HDAC9: variants seen among roughly 807,000 people sequenced by gnomAD.
The protein encoded by HDAC9 is MEF-2 interacting transcription repressor (MITR) protein.
In HDAC9, 41 loss-of-function variants were observed where a neutral mutation model predicts 139.4. That is an observed-to-expected ratio of 0.29 (90% CI 0.23 to 0.38). The LOEUF (loss-of-function observed/expected upper bound fraction) is 0.38, where lower values mean the gene tolerates loss of function less well. HDAC9 is among the 10% of genes least tolerant of loss of function. The probability of loss-of-function intolerance (pLI) is 1.00; values close to 1 mark genes in which losing one functional copy is unlikely to be tolerated. For synonymous variants in HDAC9, 517 were observed against 476.2 expected, an observed-to-expected ratio of 1.09 and a Z score of -1.12; for missense variants, 1,147 against 1,297.0, an observed-to-expected ratio of 0.88 and a Z score of 1.78.
chr7:18,641,644 A>G (rs988970591), intron 8 of HDAC9, among the ~76,000 whole-genome samples: 1 of 152,118 alleles, frequency 6.6e-6, no homozygotes, highest in African/African-American at 2.4e-5. Context: ...TAAACTGCAA[A>G]GTATTGGCAT....
At chr7:18,403,183 G>A (rs1414177665) in intron 1 of HDAC9, among the ~76,000 whole-genome samples, 1 of 152,124 alleles carries the variant, frequency 6.6e-6, no homozygotes. Flanking sequence ...TCCCAGTTAA[G>A]TGTATAAATA....
At chr7:18,285,232 A>G (rs886083774) in intron 2 of HDAC9, among the ~76,000 whole-genome samples, 1 of 151,996 alleles carries the variant, frequency 6.6e-6, no homozygotes, top group Non-Finnish European at 1.5e-5. Context: ...GTCATAATGT[A>G]TATTTTTCTA....
intron 2 of HDAC9, chr7:18,502,444 T>C (rs1253064339): frequency 6.6e-6 from 1 of 152,190 alleles, no homozygotes; most frequent in Admixed American, 6.5e-5. Context: ...GAGGAATAGA[T>C]GTTAGCTAGG....
chr7:18,257,080 C>A (rs983509688), intron 2 of HDAC9, among the ~76,000 whole-genome samples: 2 of 151,228 alleles, frequency 1.3e-5, no homozygotes, highest in African/African-American at 4.9e-5. Flanking sequence ...CAGAGTGAGA[C>A]CCTGTCTCAA....
chr7:18,712,756 T>C (rs528843744), intron 12 of HDAC9, among the ~76,000 whole-genome samples: 1 of 152,348 alleles, frequency 6.6e-6, no homozygotes, highest in African/African-American at 2.4e-5. Context: ...CCTACAAGTA[T>C]AATTTTGAAT....
chr7:18,636,145 T>A (rs1034829070), intron 8 of HDAC9, among the ~76,000 whole-genome samples: 2 of 152,058 alleles, frequency 1.3e-5, no homozygotes, highest in Non-Finnish European at 1.5e-5. Flanking sequence ...CCTCAGAAAC[T>A]CAAGAGATAG....
intron 15 of HDAC9, among the ~76,000 whole-genome samples, chr7:18,764,391 C>T (rs983046612): frequency 2.0e-5 from 3 of 152,058 alleles, no homozygotes; most frequent in African/African-American, 4.8e-5. Flanking sequence ...GTGTGGGCTA[C>T]GTAAGTACAC....
intron 1 of HDAC9, among the ~76,000 whole-genome samples, chr7:18,426,062 C>G (rs887428887): frequency 6.6e-6 from 1 of 152,054 alleles, no homozygotes; most frequent in African/African-American, 2.4e-5. Flanking sequence ...CACACAATTG[C>G]GGAAATGCAG....
At chr7:18,967,682 T>C (rs1480957239) in intron 24 of HDAC9, among the ~76,000 whole-genome samples, 1 of 152,200 alleles carries the variant, frequency 6.6e-6, no homozygotes. Context: ...ACAATTTTTA[T>C]AAATAGCTTA....
chr7:18,576,539 G>A (rs1201076115), intron 2 of HDAC9, among the ~76,000 whole-genome samples: 2 of 151,810 alleles, frequency 1.3e-5, no homozygotes, highest in African/African-American at 2.4e-5. Context: ...GTGCACACCT[G>A]TAGTCCCAGC....
At chr7:18,462,381 T>C (rs1793926064) in intron 1 of HDAC9, among the ~76,000 whole-genome samples, 1 of 152,094 alleles carries the variant, frequency 6.6e-6, no homozygotes, top group Admixed American at 6.6e-5. Context: ...CTGTTAAAAG[T>C]CAGGAACCTT....
intron 2 of HDAC9, among the ~76,000 whole-genome samples, chr7:18,214,070 C>T (rs944834658): frequency 1.3e-5 from 2 of 151,996 alleles, no homozygotes; most frequent in African/African-American, 4.8e-5. Flanking sequence ...CTATGCTAAT[C>T]ACTTTATACA....
At chr7:18,745,669 C>T (rs1008473146) in intron 13 of HDAC9, among the ~76,000 whole-genome samples, 3 of 150,786 alleles carry the variant, frequency 2.0e-5, no homozygotes, top group Non-Finnish European at 4.4e-5. Context: ...GCCTCAGCCT[C>T]CCGAGTAGCT....
chr7:18,291,853 G>A (rs1797830139), intron 1 of HDAC9, among the ~76,000 whole-genome samples: 1 of 152,080 alleles, frequency 6.6e-6, no homozygotes, highest in Admixed American at 6.6e-5. Flanking sequence ...GCAAGGAGTA[G>A]ATCTAATGGA....
intron 2 of HDAC9, among the ~76,000 whole-genome samples, chr7:18,163,184 A>G (rs944367861): frequency 2.0e-5 from 3 of 152,164 alleles, no homozygotes; most frequent in African/African-American, 7.2e-5. Flanking sequence ...CTGGATTGCC[A>G]CACCCAAGTT....
intron 1 of HDAC9, among the ~76,000 whole-genome samples, chr7:18,332,410 A>C (rs1280583163): frequency 2.0e-5 from 3 of 150,868 alleles, no homozygotes; most frequent in African/African-American, 7.3e-5. Flanking sequence ...AGAGAGAGAG[A>C]GATTTTTACT....
intron 2 of HDAC9, among the ~76,000 whole-genome samples, chr7:18,183,491 G>C (rs546258084): frequency 5.3e-5 from 8 of 152,222 alleles, no homozygotes. Flanking sequence ...CCCTGATTCA[G>C]TTTCAAATCC....
chr7:18,556,304 G>C (rs1818784675), intron 2 of HDAC9, among the ~76,000 whole-genome samples: 1 of 151,990 alleles, frequency 6.6e-6, no homozygotes, highest in South Asian at 2.1e-4. Flanking sequence ...TTAGCATAAA[G>C]GTGAGTTCCT....
chr7:18,809,365 A>G (rs565864905), intron 17 of HDAC9, among the ~76,000 whole-genome samples: 5 of 152,192 alleles, frequency 3.3e-5, no homozygotes, highest in Admixed American at 2.6e-4. Context: ...AAGCCTCTGC[A>G]TAGCAAAGAA....
Sources: gnomAD v4.1 joint callset for allele counts (sites outside exome capture counted in the v4.1 genomes callset) on GRCh38, gnomAD v4.1.1 for gene constraint, MANE v1.5 for transcripts, NCBI Gene and HGNC (gene_info 2026-07-23, HGNC 2026-07-21) for gene names.